Variants in NALCN observed in about 807,000 individuals in gnomAD.
NALCN encodes sodium leak channel, non-selective, also known as sodium leak channel NALCN.
NALCN carries 111 observed loss-of-function variants against 225.3 expected under a neutral mutation model. The observed-to-expected ratio is 0.49, with a 90% CI of 0.42 to 0.58. NALCN has a LOEUF of 0.58. Among genes scored for constraint, NALCN ranks in the 20% least tolerant of loss-of-function variants. The pLI, the probability that NALCN is intolerant of heterozygous loss-of-function variation, is 0.00. For synonymous variants in NALCN, 764 were observed against 769.0 expected, an observed-to-expected ratio of 0.99 and a Z score of 0.11; for missense variants, 1,378 against 2,202.4, an observed-to-expected ratio of 0.63 and a Z score of 7.49.
At chr13:101,270,855 C>T (rs2042753163) in intron 10 of NALCN, among the ~76,000 whole-genome samples, 1 of 152,138 alleles carries the variant, frequency 6.6e-6, no homozygotes, top group African/African-American at 2.4e-5. Flanking sequence ...TCAAGACTTG[C>T]AAAACCAAAC....
intron 3 of NALCN, among the ~76,000 whole-genome samples, chr13:101,389,885 TG>T (rs1438362698): frequency 6.6e-6 from 1 of 152,142 alleles, no homozygotes; most frequent in East Asian, 1.9e-4. Flanking sequence ...AGTCTGAGAC[TG>T]GCCTGGCCAA....
chr13:101,232,440 C>G (rs1392097119), intron 12 of NALCN, among the ~76,000 whole-genome samples: 2 of 138,344 alleles, frequency 1.4e-5, no homozygotes, highest in Non-Finnish European at 3.3e-5. Context: ...TGCTGTAATT[C>G]TTTTCTTTTC....
At chr13:101,153,728 A>G (rs58025180) in intron 15 of NALCN, among the ~76,000 whole-genome samples, 22 of 152,302 alleles carry the variant, frequency 1.4e-4, no homozygotes, top group African/African-American at 5.1e-4. Flanking sequence ...CATCTCGTTG[A>G]GACTCCTGAA....
At chr13:101,367,069 A>G (rs907094332) in intron 6 of NALCN, among the ~76,000 whole-genome samples, 4 of 152,104 alleles carry the variant, frequency 2.6e-5, no homozygotes, top group African/African-American at 9.7e-5. Flanking sequence ...CACTTAGCAT[A>G]ATGTCCTCTA....
chr13:101,318,613 C>T (rs2044638766), intron 7 of NALCN, among the ~76,000 whole-genome samples: 1 of 152,042 alleles, frequency 6.6e-6, no homozygotes. Context: ...TAATTAATTC[C>T]CAGATATGTG....
intron 6 of NALCN, among the ~76,000 whole-genome samples, chr13:101,366,895 G>T (rs907123232): frequency 6.7e-6 from 1 of 148,448 alleles, no homozygotes; most frequent in Admixed American, 6.7e-5. Flanking sequence ...CTGAAACTTT[G>T]TACCCTTTGA....
chr13:101,342,136 T>G (rs2045577002), intron 7 of NALCN, among the ~76,000 whole-genome samples: 1 of 151,972 alleles, frequency 6.6e-6, no homozygotes, highest in Non-Finnish European at 1.5e-5. Flanking sequence ...AAGGTTTTTA[T>G]AATACAGGTG....
intron 1 of NALCN, among the ~76,000 whole-genome samples, chr13:101,406,365 C>A (rs1453774031): frequency 6.6e-6 from 1 of 151,970 alleles, no homozygotes; most frequent in Admixed American, 6.6e-5. Context: ...CTATGTCATT[C>A]CATTTTCACA....
chr13:101,082,245 T>C (rs1232082794), intron 33 of NALCN, among the ~76,000 whole-genome samples: 1 of 152,204 alleles, frequency 6.6e-6, no homozygotes, highest in Non-Finnish European at 1.5e-5. Flanking sequence ...TACCAAGATA[T>C]ATGATTTTAT....
intron 15 of NALCN, among the ~76,000 whole-genome samples, chr13:101,155,411 T>C (rs1264125670): frequency 1.3e-5 from 2 of 152,214 alleles, no homozygotes; most frequent in African/African-American, 4.8e-5. Flanking sequence ...ATGACTTTGA[T>C]GGTTTCGAGG....
At chr13:101,128,214 G>A (rs1428993418) in intron 17 of NALCN, among the ~76,000 whole-genome samples, 1 of 152,212 alleles carries the variant, frequency 6.6e-6, no homozygotes, top group Admixed American at 6.5e-5. Flanking sequence ...TTTGGAAACT[G>A]AAAACATCCA....
intron 6 of NALCN, among the ~76,000 whole-genome samples, chr13:101,375,183 C>T (rs1178363920): frequency 6.6e-6 from 1 of 152,028 alleles, no homozygotes; most frequent in Non-Finnish European, 1.5e-5. Flanking sequence ...AGCGTGTTTA[C>T]GTATCTCTTT....
intron 38 of NALCN, 78 bp downstream of exon 38, chr13:101,068,617 T>C: frequency 3.0e-6 from 4 of 1,352,582 alleles, no homozygotes; most frequent in Non-Finnish European, 3.9e-6. Context: ...AAATCCAGGG[T>C]AATTGCTTGA....
At position 101,057,974 on chromosome 13, in the gene NALCN, G is replaced by A; in HGVS notation, c.4988C>T (p.Pro1663Leu). The change falls in exon 43 of 44, where the codon CCC (proline) becomes CTC (leucine). Residue 1663 changes from proline to leucine, a missense_variant. Pro to Leu is a moderately conservative substitution (Grantham distance 98). This residue lies in a region of NALCN where 145 missense variants were observed against 169.6 expected (regional missense o/e 0.85). Coordinates refer to ENST00000251127, the MANE Select transcript of NALCN (RefSeq NM_052867.4). Reference protein sequence around the residue: ...SRQDAADAGKPQRKFGQWRLP... With the variant: ...SRQDAADAGKLQRKFGQWRLP... Reference sequence around the variant, plus strand: ...ACGCCACTGCCCAAATTTCCTCTGGGGTTTCCCTGCGTCGGCTGCATCTTG... The same window carrying A: ...ACGCCACTGCCCAAATTTCCTCTGGAGTTTCCCTGCGTCGGCTGCATCTTG... 6.2e-7 allele frequency: 1 copy of A among 1,613,910 alleles called. No homozygotes were observed.
chr13:101,222,841 C>T (rs1394913382), intron 13 of NALCN, among the ~76,000 whole-genome samples: 1 of 152,180 alleles, frequency 6.6e-6, no homozygotes, highest in Non-Finnish European at 1.5e-5. Flanking sequence ...CATTCATCCT[C>T]TATTAAAGGC....
At chr13:101,379,220 A>C (rs542588096) in intron 3 of NALCN, among the ~76,000 whole-genome samples, 24 of 152,294 alleles carry the variant, frequency 1.6e-4, no homozygotes, top group Non-Finnish European at 3.2e-4. Flanking sequence ...GAAACAACAG[A>C]TGCTGGAGAG....
chr13:101,079,600 T>C (rs1477030900), intron 34 of NALCN, among the ~76,000 whole-genome samples: 1 of 152,214 alleles, frequency 6.6e-6, no homozygotes, highest in African/African-American at 2.4e-5. Flanking sequence ...TCCCTCATCA[T>C]AGTCATTATA....
chr13:101,210,451 A>G (rs2040481052), intron 13 of NALCN, among the ~76,000 whole-genome samples: 1 of 152,210 alleles, frequency 6.6e-6, no homozygotes, highest in Non-Finnish European at 1.5e-5. Context: ...CCGTATATGT[A>G]ATAGTTAATG....
chr13:101,354,555 T>C (rs1169015402), intron 6 of NALCN, among the ~76,000 whole-genome samples: 2 of 152,138 alleles, frequency 1.3e-5, no homozygotes, highest in South Asian at 2.1e-4. Context: ...AGAGAGCCAG[T>C]TGACATAATG....
Sources: gnomAD v4.1 joint callset for allele counts (sites outside exome capture counted in the v4.1 genomes callset) on GRCh38, gnomAD v4.1.1 for gene constraint, gnomAD v4.1.1 regional missense constraint, MANE v1.5 for transcripts, NCBI Gene and HGNC (gene_info 2026-07-23, HGNC 2026-07-21) for gene names.